IL1R1: variants seen among roughly 807,000 people sequenced by gnomAD.
IL1R1 encodes interleukin-1 receptor type 1.
Under a neutral mutation model 50.2 loss-of-function variants are expected in IL1R1, and 22 were observed. That is an observed-to-expected ratio of 0.44 (90% CI 0.31 to 0.63). The LOEUF is 0.63. Ranked by LOEUF, IL1R1 falls within the 20% of genes least tolerant of loss-of-function variation. The pLI, the probability that IL1R1 is intolerant of heterozygous loss-of-function variation, is 0.07. For missense variants in IL1R1, 509 were observed against 676.2 expected, an observed-to-expected ratio of 0.75 and a Z score of 2.74; for synonymous variants, 251 against 236.7, an observed-to-expected ratio of 1.06 and a Z score of -0.55.
chr2:102,144,710 G>T (rs1682964538), intron 1 of IL1R1, among the ~76,000 whole-genome samples: 1 of 152,188 alleles, frequency 6.6e-6, no homozygotes. Flanking sequence ...CAAAAGGGGG[G>T]TCTTTGAAAT....
chr2:102,166,320 G>A, intron 6 of IL1R1, 39 bp downstream of exon 6: 3 of 1,505,814 alleles, frequency 2.0e-6, no homozygotes, highest in Non-Finnish European at 1.8e-6. Flanking sequence ...TTAGATCTGG[G>A]AAGGTCCAGA....
intron 1 of IL1R1, among the ~76,000 whole-genome samples, chr2:102,105,776 T>C (rs1047359338): frequency 2.6e-5 from 4 of 152,206 alleles, no homozygotes; most frequent in Non-Finnish European, 4.4e-5. Flanking sequence ...AAAGGTAATC[T>C]TAAAAGCCTG....
At chr2:102,127,337 G>T (rs1249244976) in intron 1 of IL1R1, among the ~76,000 whole-genome samples, 1 of 152,128 alleles carries the variant, frequency 6.6e-6, no homozygotes, top group Non-Finnish European at 1.5e-5. Context: ...GGAGAGAAGA[G>T]AAAATATTAT....
chr2:102,091,580 T>C (rs1311551825), intron 1 of IL1R1, among the ~76,000 whole-genome samples: 1 of 152,228 alleles, frequency 6.6e-6, no homozygotes, highest in African/African-American at 2.4e-5. Flanking sequence ...AGTCAGAGTA[T>C]GTGGAGTATC....
chr2:102,075,242 C>G (rs896659108), intron 1 of IL1R1, among the ~76,000 whole-genome samples: 7 of 152,116 alleles, frequency 4.6e-5, no homozygotes, highest in Non-Finnish European at 8.8e-5. Flanking sequence ...CAATCCAGAC[C>G]AACACTTCTT....
chr2:102,172,031 C>CTATTTTTTTTTTTT (rs1685720520), intron 8 of IL1R1, 113 bp downstream of exon 8: 1 of 87,246 alleles, frequency 1.1e-5, no homozygotes, highest in Non-Finnish European at 2.0e-5. Flanking sequence ...CCTTTGCTGC[C>CTATTTTTTTTTTTT]TTTTTTTTTT....
intron 1 of IL1R1, among the ~76,000 whole-genome samples, chr2:102,134,536 G>A (rs1013376241): frequency 5.3e-5 from 8 of 151,998 alleles, no homozygotes; most frequent in South Asian, 4.2e-4. Context: ...GTGCCACCAC[G>A]CCCAGCTAAT....
At chr2:102,137,292 GAAAC>G in intron 1 of IL1R1, among the ~76,000 whole-genome samples, 1 of 152,276 alleles carries the variant, frequency 6.6e-6, no homozygotes, top group South Asian at 2.1e-4. Flanking sequence ...AATCTACCCT[GAAAC>G]TTGATGACTC....
intron 5 of IL1R1, among the ~76,000 whole-genome samples, chr2:102,165,688 G>C (rs1685123338): frequency 6.6e-6 from 1 of 152,152 alleles, no homozygotes. Flanking sequence ...TGAAAAGTGG[G>C]TTGACTAGCT....
In IL1R1 at chr2:102,177,310, GA is replaced by G; in HGVS notation, c.*555del. The G allele has an allele frequency of 6.3e-6, 1 of 158,548 alleles. No individual in the cohort carries two copies. Among genetic ancestry groups the G allele is most frequent in the Non-Finnish European group, 1.4e-5 (1 of 70,626 alleles). 9.8% of individuals were successfully genotyped at this position (158,548 alleles called of 1,614,324 possible). On this transcript the variant is annotated 3_prime_UTR_variant, in exon 12 of 12. Transcript: ENST00000410023. ...CCTCTCTGAATGTTTGAACTGCCAA[GA>G]AAAGGCATGGAGACAGCGAACTAGA...
chr2:102,080,135 A>T (rs1348207035), intron 1 of IL1R1, among the ~76,000 whole-genome samples: 3 of 152,200 alleles, frequency 2.0e-5, no homozygotes, highest in Non-Finnish European at 4.4e-5. Context: ...CAAAACTCTT[A>T]GAAGGAAATA....
At chr2:102,140,677 G>A (rs1013914085), upstream of IL1R1, among the ~76,000 whole-genome samples, 1 of 152,164 alleles carries the variant, frequency 6.6e-6, no homozygotes, top group Non-Finnish European at 1.5e-5. Context: ...TCCACCTTAC[G>A]GAAGCCTCCT....
chr2:102,117,921 A>G (rs1483788085), intron 1 of IL1R1, among the ~76,000 whole-genome samples: 1 of 102,996 alleles, frequency 9.7e-6, no homozygotes, highest in African/African-American at 3.4e-5. Context: ...AAGGAACAAG[A>G]AAAAAATATA....
At chr2:102,133,563 AC>A (rs1208384815) in intron 1 of IL1R1, among the ~76,000 whole-genome samples, 1 of 152,240 alleles carries the variant, frequency 6.6e-6, no homozygotes, top group Non-Finnish European at 1.5e-5. Context: ...ATGCATCGTG[AC>A]CAAGTAGGTA....
chr2:102,159,781 C>G (rs1281269111), intron 3 of IL1R1, among the ~76,000 whole-genome samples: 1 of 152,172 alleles, frequency 6.6e-6, no homozygotes, highest in African/African-American at 2.4e-5. Flanking sequence ...CAAACCCTCT[C>G]TCTTCTTGCA....
chr2:102,115,109 A>C (rs1680995219), intron 1 of IL1R1, among the ~76,000 whole-genome samples: 1 of 152,244 alleles, frequency 6.6e-6, no homozygotes, highest in South Asian at 2.1e-4. Flanking sequence ...CCTGGATCCT[A>C]ACTCCAGAAG....
At position 102,162,717 on chromosome 2, in the gene IL1R1, A is replaced by G. The variant is rs564785273; in HGVS notation, c.62-2057A>G. Among the ~76,000 whole-genome samples the G allele has an allele frequency of 9.9e-5, 15 of 151,610 alleles. No homozygotes were observed. The East Asian group carries it at 2.7e-3, about 28-fold the overall frequency. On this transcript the variant is annotated intron_variant, in intron 3 of 11. Transcript: ENST00000410023. ...TTTCTCCTTTCTTGAACTTTGCCCT[A>G]TTATTTCCATATATGTTACTTCTTT...
chr2:102,173,894 C>G (rs1036989822), intron 9 of IL1R1, among the ~76,000 whole-genome samples: 2 of 151,914 alleles, frequency 1.3e-5, no homozygotes, highest in African/African-American at 4.8e-5. Context: ...TACTTAAGAC[C>G]GTAAGTGTGA....
chr2:102,168,418 G>A (rs1056113201), intron 6 of IL1R1, among the ~76,000 whole-genome samples, 180 bp from the exon 7 acceptor site: 3 of 152,212 alleles, frequency 2.0e-5, no homozygotes, highest in African/African-American at 4.8e-5. Flanking sequence ...ACAGTGTGCT[G>A]TGGCCTCTGC....
Sources: gnomAD v4.1 joint callset for allele counts (sites outside exome capture counted in the v4.1 genomes callset) on GRCh38, gnomAD v4.1.1 for gene constraint, MANE v1.5 for transcripts, NCBI Gene and HGNC (gene_info 2026-07-23, HGNC 2026-07-21) for gene names.